The following GPR107 variants were observed in gnomAD, a reference collection of about 807,000 sequenced individuals.
GPR107 encodes the protein protein GPR107.
GPR107 carries 31 observed loss-of-function variants against 75.5 expected under a neutral mutation model. That is an observed-to-expected ratio of 0.41 (90% CI 0.31 to 0.55). The LOEUF (loss-of-function observed/expected upper bound fraction) is 0.55, where lower values mean the gene tolerates loss of function less well. Ranked by LOEUF, GPR107 falls within the 20% of genes least tolerant of loss-of-function variation. The probability of loss-of-function intolerance (pLI) is 0.26; values close to 1 mark genes in which losing one functional copy is unlikely to be tolerated. For synonymous variants in GPR107, 267 were observed against 251.3 expected (o/e 1.06, Z -0.59); for missense variants, 572 against 665.7 (o/e 0.86, Z 1.55).
chr9:130,077,948 G>A (rs1330677019), intron 4 of GPR107, among the ~76,000 whole-genome samples: 1 of 152,128 alleles, frequency 6.6e-6, no homozygotes, highest in African/African-American at 2.4e-5. Flanking sequence ...GACGGATCAC[G>A]AGGTCAGGAG....
chr9:130,102,389 C>T (rs1186879231), intron 12 of GPR107, among the ~76,000 whole-genome samples: 1 of 152,188 alleles, frequency 6.6e-6, no homozygotes, highest in Non-Finnish European at 1.5e-5. Context: ...CCTCTAGAGT[C>T]TCCCCCCACC....
In GPR107 at chr9:130,112,688, G is replaced by A. The variant is rs181568918; in HGVS notation, c.1306+5149G>A. Among the ~76,000 whole-genome samples, 12 of 152,258 alleles carry A rather than the reference G, an allele frequency of 7.9e-5. No homozygotes were observed. The highest frequency in any genetic ancestry group is 3.9e-4 in the East Asian group (2 of 5,190). On this transcript the variant is annotated intron_variant, in intron 14 of 17. Transcript: ENST00000347136. This position sits in a 1 kb window ranked among gnomAD's most constrained non-coding sequence, Gnocchi z 4.0. Reference sequence around the variant, plus strand: ...TGGGTGTGGCCTTGAGGGAAAGTACGTGTGCACTTGTTTGAATTGCAAGCT... The same window carrying A: ...TGGGTGTGGCCTTGAGGGAAAGTACATGTGCACTTGTTTGAATTGCAAGCT...
intron 7 of GPR107, among the ~76,000 whole-genome samples, chr9:130,090,032 A>G (rs912346850): frequency 1.3e-5 from 2 of 152,206 alleles, no homozygotes; most frequent in African/African-American, 4.8e-5. Flanking sequence ...TCTCCCTCGC[A>G]GTCCTTCCCA....
rs372752909 is a variant in GPR107, at chr9:130,135,128, C to T, written c.*7C>T. 79 of 1,537,196 alleles carry T rather than the reference C, an allele frequency of 5.1e-5. No homozygotes were observed. The highest frequency in any genetic ancestry group is 1.9e-4 in the Admixed American group (11 of 58,970). On this transcript the variant is annotated 3_prime_UTR_variant, in exon 18 of 18. Coordinates refer to ENST00000347136, the MANE Select transcript of GPR107 (RefSeq NM_020960.5). ...GTGGGAAGGCGCCGTGTGACAGAGCCGACCCTGAGGATGGCACTGTCCAAG... is the reference window on the plus strand; with the variant it reads ...GTGGGAAGGCGCCGTGTGACAGAGCTGACCCTGAGGATGGCACTGTCCAAG...
intron 10 of GPR107, 61 bp downstream of exon 10, chr9:130,099,593 C>T: frequency 1.1e-6 from 1 of 920,938 alleles, no homozygotes; most frequent in Non-Finnish European, 1.8e-6. Context: ...TGTGAGCAGG[C>T]AAAAGAAATT....
rs369151486 is a variant in GPR107, at chr9:130,134,840, G to C, written c.1563-185G>C. ...GGAAAGTGAGAATTACTTAAGCACA[G>C]AGAGTTCAAGTGACTTGGCCAAGGT... On this transcript the variant is annotated intron_variant, in intron 17 of 17. Coordinates refer to ENST00000347136, the MANE Select transcript of GPR107 (RefSeq NM_020960.5). 2.3e-3 allele frequency among the ~76,000 whole-genome samples: 358 copies of C among 152,356 alleles called. 1 individual carries two copies. Among genetic ancestry groups the C allele is most frequent in the African/African-American group, 8.4e-3 (349 of 41,582 alleles).
At chr9:130,069,763 GA>G (rs1401682924) in intron 1 of GPR107, among the ~76,000 whole-genome samples, 2 of 151,092 alleles carry the variant, frequency 1.3e-5, no homozygotes, top group East Asian at 3.9e-4. Flanking sequence ...TCAGCTCACT[GA>G]AAACTCTGCC....
chr9:130,122,091 C>T (rs1040035025), intron 14 of GPR107, among the ~76,000 whole-genome samples: 2 of 152,092 alleles, frequency 1.3e-5, no homozygotes, highest in African/African-American at 4.8e-5. Context: ...GGGGGTTTCA[C>T]CGTGTTAGCC....
intron 10 of GPR107, 91 bp downstream of exon 10, chr9:130,099,623 G>A (rs1409206305): frequency 4.0e-6 from 3 of 741,642 alleles, no homozygotes; most frequent in East Asian, 2.5e-5. Context: ...GGGATAGATT[G>A]GTGGGAAACA....
intron 1 of GPR107, among the ~76,000 whole-genome samples, chr9:130,073,977 G>A (rs561680373): frequency 6.6e-6 from 1 of 152,028 alleles, no homozygotes; most frequent in Admixed American, 6.6e-5. Context: ...GGCTGGTCTC[G>A]AACTCCTGAC....
chr9:130,062,172 T>G (rs1392581124), intron 1 of GPR107, among the ~76,000 whole-genome samples: 1 of 151,924 alleles, frequency 6.6e-6, no homozygotes, highest in Non-Finnish European at 1.5e-5. Context: ...CCCAGCACTT[T>G]AGGAGGCCAA....
intron 1 of GPR107, among the ~76,000 whole-genome samples, chr9:130,056,259 C>T (rs908672767): frequency 6.6e-6 from 1 of 151,960 alleles, no homozygotes; most frequent in Non-Finnish European, 1.5e-5. Flanking sequence ...TGAGACCAGC[C>T]TGGCCAACAT....
rs1831947272 is a variant in GPR107, at chr9:130,136,010, A to T, written c.*889A>T. On this transcript the variant is annotated 3_prime_UTR_variant, in exon 18 of 18. Coordinates refer to ENST00000347136, the MANE Select transcript of GPR107 (RefSeq NM_020960.5). Reference sequence around the variant, plus strand: ...TTGTGTTTGATCAGAATTTTGGGGGAAATGGAAAGTTTTCCTCAAGGAGCA... The same window carrying T: ...TTGTGTTTGATCAGAATTTTGGGGGTAATGGAAAGTTTTCCTCAAGGAGCA... 6.6e-6 allele frequency: 1 copy of T among 152,100 alleles called. No homozygotes were observed. Among genetic ancestry groups the T allele is most frequent in the Non-Finnish European group, 1.5e-5 (1 of 68,042 alleles). The allele number at this position is 152,100 out of a possible 1,614,324, so 9.4% of individuals were successfully genotyped here.
At chr9:130,126,381 T>C (rs1413860312) in intron 15 of GPR107, among the ~76,000 whole-genome samples, 1 of 149,840 alleles carries the variant, frequency 6.7e-6, no homozygotes, top group African/African-American at 2.5e-5. Flanking sequence ...GTTTCGCTCT[T>C]GTCTCCCAGG....
chr9:130,115,191 A>G (rs113014520), intron 14 of GPR107, among the ~76,000 whole-genome samples: 1 of 152,320 alleles, frequency 6.6e-6, no homozygotes, highest in African/African-American at 2.4e-5. Context: ...TAGACTTCCC[A>G]TGTCTACATA....
At chr9:130,130,369 T>C (rs1415010669) in intron 17 of GPR107, among the ~76,000 whole-genome samples, 2 of 152,228 alleles carry the variant, frequency 1.3e-5, no homozygotes, top group Admixed American at 1.3e-4. Flanking sequence ...ATGTTTGGTG[T>C]GGGTTCCTGG....
intron 17 of GPR107, among the ~76,000 whole-genome samples, chr9:130,131,442 A>G (rs1369326145): frequency 6.6e-6 from 1 of 151,864 alleles, no homozygotes; most frequent in Non-Finnish European, 1.5e-5. Flanking sequence ...CCACACACTG[A>G]AGCTCCCTGT....
At chr9:130,058,089 A>G (rs1263176734) in intron 1 of GPR107, among the ~76,000 whole-genome samples, 1 of 152,146 alleles carries the variant, frequency 6.6e-6, no homozygotes, top group Non-Finnish European at 1.5e-5. Context: ...TCGGCCTCCC[A>G]AAGTGCTGGG....
chr9:130,089,937 T>C (rs531978545), intron 7 of GPR107, among the ~76,000 whole-genome samples: 1 of 152,254 alleles, frequency 6.6e-6, no homozygotes, highest in African/African-American at 2.4e-5. Context: ...TATTGAGTTT[T>C]AACAAGTAAC....
Sources: allele counts gnomAD v4.1 joint callset (sites outside exome capture counted in the v4.1 genomes callset), GRCh38; gene constraint gnomAD v4.1.1; non-coding constraint Gnocchi (gnomAD v3.1); transcripts MANE v1.5; gene names NCBI Gene and HGNC (gene_info 2026-07-23, HGNC 2026-07-21).